Variants in GRM8 observed in about 807,000 individuals in gnomAD.
GRM8 encodes metabotropic glutamate receptor 8.
A neutral mutation model predicts 87.2 loss-of-function variants in GRM8; 47 were observed. That is an observed-to-expected ratio of 0.54 (90% CI 0.43 to 0.69). The LOEUF (loss-of-function observed/expected upper bound fraction) is 0.69. GRM8 is among the 30% of genes least tolerant of loss of function. GRM8 has a pLI of 0.00. For missense variants in GRM8, 1,019 were observed against 1,139.2 expected, an observed-to-expected ratio of 0.89 and a Z score of 1.52; for synonymous variants, 396 against 404.5, an observed-to-expected ratio of 0.98 and a Z score of 0.25.
intron 8 of GRM8, among the ~76,000 whole-genome samples, chr7:126,588,071 A>T (rs773808617): frequency 6.6e-6 from 1 of 152,228 alleles, no homozygotes. Flanking sequence ...TAATGGCTTC[A>T]TCTAGAACTC....
At chr7:126,583,460 T>C (rs1474836941) in intron 8 of GRM8, among the ~76,000 whole-genome samples, 1 of 152,136 alleles carries the variant, frequency 6.6e-6, no homozygotes, top group Admixed American at 6.6e-5. Context: ...CTGACAGGTC[T>C]GGAGAAAATA....
Position 126,808,351 on chromosome 7 carries a change from G to GA in GRM8, c.1157-38287dup, listed in dbSNP as rs1259728283. ...AGTATTAAAAACAGAAGAGACACTG[G>GA]AAAAAAGGATTGTCCCATCATGCAA... On this transcript the variant is annotated intron_variant, in intron 6 of 10. Transcript: ENST00000339582. Among the ~76,000 whole-genome samples, 3 of 152,136 alleles carry GA rather than the reference G, an allele frequency of 2.0e-5. No individual in the cohort carries two copies. In the South Asian group the frequency reaches 6.2e-4, roughly 32 times the overall value.
At chr7:127,060,862 T>C (rs1820535285) in intron 3 of GRM8, among the ~76,000 whole-genome samples, 1 of 152,192 alleles carries the variant, frequency 6.6e-6, no homozygotes, top group South Asian at 2.1e-4. Flanking sequence ...AAGAATCTTT[T>C]GTAGTAGAAT....
At chr7:127,022,207 G>A (rs1448936541) in intron 3 of GRM8, among the ~76,000 whole-genome samples, 1 of 150,954 alleles carries the variant, frequency 6.6e-6, no homozygotes, top group Admixed American at 6.6e-5. Flanking sequence ...TATTATGGCA[G>A]CACAGGTCAC....
At chr7:127,101,134 C>T (rs770147763) in intron 3 of GRM8, among the ~76,000 whole-genome samples, 2 of 152,114 alleles carry the variant, frequency 1.3e-5, no homozygotes, top group African/African-American at 2.4e-5. Flanking sequence ...TTCTTTCATA[C>T]CCTCAAGCTC....
At chr7:127,032,813 A>G (rs930621023) in intron 3 of GRM8, among the ~76,000 whole-genome samples, 2 of 152,084 alleles carry the variant, frequency 1.3e-5, no homozygotes, top group Admixed American at 6.6e-5. Flanking sequence ...ATAAGATAAG[A>G]AGGATAAAAG....
intron 7 of GRM8, among the ~76,000 whole-genome samples, chr7:126,686,722 T>C (rs958661399): frequency 1.3e-4 from 20 of 152,126 alleles, no homozygotes; most frequent in African/African-American, 4.8e-4. Flanking sequence ...CTTGGAGGCA[T>C]AGGATCCAGG....
chr7:126,765,308 TTTC>T (rs1387380483), intron 7 of GRM8, among the ~76,000 whole-genome samples: 11 of 152,112 alleles, frequency 7.2e-5, no homozygotes, highest in African/African-American at 2.7e-4. Context: ...GGACCAGTTC[TTTC>T]TTTAGACTCG....
At chr7:126,560,106 A>AT (rs1246722573) in intron 8 of GRM8, among the ~76,000 whole-genome samples, 5 of 152,140 alleles carry the variant, frequency 3.3e-5, no homozygotes, top group African/African-American at 4.8e-5. Flanking sequence ...CCTTTGCTTT[A>AT]TTTTTTAAAG....
intron 3 of GRM8, among the ~76,000 whole-genome samples, chr7:127,001,916 C>T (rs1209407307): frequency 6.6e-6 from 1 of 151,588 alleles, no homozygotes; most frequent in Non-Finnish European, 1.5e-5. Context: ...ATTTCAAAAA[C>T]ATTTTTCTGA....
chr7:126,980,671 A>G (rs1172903014), intron 3 of GRM8, among the ~76,000 whole-genome samples: 1 of 152,210 alleles, frequency 6.6e-6, no homozygotes, highest in Non-Finnish European at 1.5e-5. Context: ...CGCCCTTGGA[A>G]GATACCACCT....
chr7:127,089,893 G>A (rs1823882497), intron 3 of GRM8, among the ~76,000 whole-genome samples: 1 of 152,132 alleles, frequency 6.6e-6, no homozygotes, highest in African/African-American at 2.4e-5. Flanking sequence ...CATTCTCTGT[G>A]GGATTCTTTC....
intron 3 of GRM8, chr7:126,981,642 C>A (rs1811540043): frequency 6.6e-6 from 1 of 152,148 alleles, no homozygotes; most frequent in South Asian, 2.1e-4. Flanking sequence ...TCTTAAAGTC[C>A]CTACTTCTCA....
At chr7:126,814,763 T>A (rs558870714) in intron 6 of GRM8, among the ~76,000 whole-genome samples, 2 of 151,340 alleles carry the variant, frequency 1.3e-5, no homozygotes, top group Admixed American at 6.6e-5. Context: ...ATTCTTATAT[T>A]TTTTTTTTCA....
chr7:126,741,054 C>T (rs1563141889), intron 7 of GRM8, among the ~76,000 whole-genome samples: 1 of 152,070 alleles, frequency 6.6e-6, no homozygotes, highest in Non-Finnish European at 1.5e-5. Context: ...AAAACAATTG[C>T]AAGTATAAAA....
At chr7:127,228,492 G>A (rs1240330357) in intron 2 of GRM8, 1 of 152,160 alleles carries the variant, frequency 6.6e-6, no homozygotes, top group Non-Finnish European at 1.5e-5. Context: ...GCAGAGAGAT[G>A]TTTAACTCAA....
At chr7:126,936,032 A>G (rs1052687041) in intron 3 of GRM8, among the ~76,000 whole-genome samples, 4 of 152,072 alleles carry the variant, frequency 2.6e-5, no homozygotes, top group African/African-American at 9.7e-5. Flanking sequence ...AGCCTGAATT[A>G]CTCTATCTGG....
chr7:127,026,128 T>C (rs773900525), intron 3 of GRM8, among the ~76,000 whole-genome samples: 4 of 152,174 alleles, frequency 2.6e-5, no homozygotes, highest in Non-Finnish European at 4.4e-5. Flanking sequence ...TGTGATATTT[T>C]GCTGAGAATG....
chr7:127,233,998 T>A (rs995657530), intron 2 of GRM8, among the ~76,000 whole-genome samples: 1 of 152,218 alleles, frequency 6.6e-6, no homozygotes, highest in African/African-American at 2.4e-5. Flanking sequence ...CTAAAAGAGA[T>A]GTCTCTTTTG....
Sources: gnomAD v4.1 joint callset for allele counts (sites outside exome capture counted in the v4.1 genomes callset) on GRCh38, gnomAD v4.1.1 for gene constraint, MANE v1.5 for transcripts, NCBI Gene and HGNC (gene_info 2026-07-23, HGNC 2026-07-21) for gene names.